The following HEMK2 variants were observed in gnomAD, a reference collection of about 807,000 sequenced individuals.
HEMK2 encodes methyltransferase HEMK2.
chr21:28,675,222 C>T, the HEMK2 span, among the ~76,000 whole-genome samples: 6 of 152,010 alleles, frequency 3.9e-5, no homozygotes, highest in South Asian at 4.1e-4. Context: ...ACAATGATTA[C>T]GGAAGTGAAA....
the HEMK2 span, among the ~76,000 whole-genome samples, chr21:28,765,356 G>A: frequency 2.0e-5 from 3 of 152,138 alleles, no homozygotes; most frequent in Admixed American, 6.5e-5. Context: ...AACTCCGGAT[G>A]TACAGAAACT....
the HEMK2 span, among the ~76,000 whole-genome samples, chr21:28,774,779 T>C: frequency 1.3e-5 from 2 of 152,210 alleles, no homozygotes; most frequent in Admixed American, 6.5e-5. Flanking sequence ...AATACGTAAG[T>C]ATTATTTCTT....
the HEMK2 span, among the ~76,000 whole-genome samples, chr21:28,596,845 A>G: frequency 1.3e-5 from 2 of 152,218 alleles, no homozygotes; most frequent in African/African-American, 4.8e-5. Context: ...TGTGCTCCAT[A>G]CCGAAAATGG....
At chr21:28,753,769 C>A in the HEMK2 span, among the ~76,000 whole-genome samples, 1 of 152,140 alleles carries the variant, frequency 6.6e-6, no homozygotes, top group Non-Finnish European at 1.5e-5. Flanking sequence ...TTATGAAATT[C>A]TTTTCTATAA....
At chr21:28,764,861 A>G in the HEMK2 span, among the ~76,000 whole-genome samples, 20 of 151,004 alleles carry the variant, frequency 1.3e-4, no homozygotes, top group African/African-American at 4.6e-4. Flanking sequence ...AATTCTGGAC[A>G]TGAGTATTAC....
the HEMK2 span, among the ~76,000 whole-genome samples, chr21:28,701,587 C>T: frequency 1.4e-5 from 2 of 145,196 alleles, no homozygotes; most frequent in African/African-American, 5.3e-5. Context: ...CACACACACA[C>T]ACACACACAG....
At chr21:28,603,142 A>G in the HEMK2 span, among the ~76,000 whole-genome samples, 1 of 152,174 alleles carries the variant, frequency 6.6e-6, no homozygotes, top group African/African-American at 2.4e-5. Flanking sequence ...TTGCAGAATC[A>G]GGCTGACACT....
chr21:28,655,430 T>C, the HEMK2 span, among the ~76,000 whole-genome samples: 10 of 152,082 alleles, frequency 6.6e-5, no homozygotes, highest in African/African-American at 2.4e-4. Flanking sequence ...GTTTTAAAAA[T>C]CCATTTGAAT....
chr21:28,820,971 C>T, the HEMK2 span, among the ~76,000 whole-genome samples: 1 of 152,334 alleles, frequency 6.6e-6, no homozygotes, highest in Admixed American at 6.5e-5. Context: ...TGAGCATTCT[C>T]CCCTACCTAT....
At chr21:28,843,041 C>T in the HEMK2 span, among the ~76,000 whole-genome samples, 1 of 152,032 alleles carries the variant, frequency 6.6e-6, no homozygotes, top group Non-Finnish European at 1.5e-5. Flanking sequence ...TTTAGACTTC[C>T]TTTAAATAAG....
chr21:28,734,619 CT>C, the HEMK2 span, among the ~76,000 whole-genome samples: 1 of 152,026 alleles, frequency 6.6e-6, no homozygotes, highest in African/African-American at 2.4e-5. Flanking sequence ...TGGAATAATC[CT>C]GATTGAACCC....
chr21:28,645,454 C>T, the HEMK2 span, among the ~76,000 whole-genome samples: 1 of 152,082 alleles, frequency 6.6e-6, no homozygotes, highest in Non-Finnish European at 1.5e-5. Context: ...TATAAAGGTA[C>T]TGAAGGATTA....
the HEMK2 span, among the ~76,000 whole-genome samples, chr21:28,611,409 C>G: frequency 6.6e-6 from 1 of 152,078 alleles, no homozygotes; most frequent in African/African-American, 2.4e-5. Flanking sequence ...GATATTACAA[C>G]TGATACCACA....
chr21:28,600,522 G>A, the HEMK2 span, among the ~76,000 whole-genome samples: 1 of 152,174 alleles, frequency 6.6e-6, no homozygotes, highest in African/African-American at 2.4e-5. Flanking sequence ...AAGCCCCTGG[G>A]CCTGTGATGA....
the HEMK2 span, among the ~76,000 whole-genome samples, chr21:28,651,739 A>T: frequency 6.6e-6 from 1 of 152,202 alleles, no homozygotes; most frequent in Non-Finnish European, 1.5e-5. Flanking sequence ...ATCTCTGGTA[A>T]TGTCATTACA....
chr21:28,834,091 C>G, the HEMK2 span, among the ~76,000 whole-genome samples: 1 of 152,182 alleles, frequency 6.6e-6, no homozygotes, highest in African/African-American at 2.4e-5. Flanking sequence ...GCTTCAATGG[C>G]ACAAGTCATG....
At chr21:28,759,795 G>A in the HEMK2 span, among the ~76,000 whole-genome samples, 579 of 152,230 alleles carry the variant, frequency 3.8e-3, 3 homozygotes, top group Non-Finnish European at 6.4e-3. Flanking sequence ...CCACCATGTA[G>A]GACATGCCTT....
At chr21:28,577,444 T>A in the HEMK2 span, 1 of 152,192 alleles carries the variant, frequency 6.6e-6, no homozygotes, top group Non-Finnish European at 1.5e-5. Flanking sequence ...TAAAATTACC[T>A]TCAGGAAGAT....
chr21:28,656,455 C>T, the HEMK2 span, among the ~76,000 whole-genome samples: 1 of 151,866 alleles, frequency 6.6e-6, no homozygotes, highest in Admixed American at 6.6e-5. Flanking sequence ...TAACCCAGCA[C>T]CACTTAGGAA....
Sources: allele counts gnomAD v4.1 joint callset (sites outside exome capture counted in the v4.1 genomes callset), GRCh38; gene constraint gnomAD v4.1.1; transcripts MANE v1.5; gene names NCBI Gene and HGNC (gene_info 2026-07-23, HGNC 2026-07-21).